Variants in NSD2 observed in about 807,000 individuals in gnomAD.
NSD2 encodes nuclear receptor binding SET domain protein 2.
Under a neutral mutation model 139.0 loss-of-function variants are expected in NSD2, and 12 were observed. That is an observed-to-expected ratio of 0.09 (90% CI 0.06 to 0.14). The LOEUF (loss-of-function observed/expected upper bound fraction) is 0.14. Ranked by LOEUF, NSD2 falls within the 10% of genes least tolerant of loss-of-function variation. NSD2 has a pLI of 1.00. For synonymous variants in NSD2, 669 were observed against 648.7 expected, an observed-to-expected ratio of 1.03 and a Z score of -0.48; for missense variants, 1,155 against 1,745.0, an observed-to-expected ratio of 0.66 and a Z score of 6.02.
intron 15 of NSD2, among the ~76,000 whole-genome samples, chr4:1,957,080 C>T (rs1462110880): frequency 6.6e-6 from 1 of 152,138 alleles, no homozygotes; most frequent in Non-Finnish European, 1.5e-5. Context: ...TGCAGGTGTC[C>T]TGTAGAGCCA....
chr4:1,955,137 T>G lies in NSD2; in HGVS notation c.2339-24T>G. The G allele has an allele frequency of 6.3e-7, 1 of 1,587,088 alleles. No individual in the cohort carries two copies. Among genetic ancestry groups the G allele is most frequent in the Non-Finnish European group, 8.6e-7 (1 of 1,157,854 alleles). On this transcript the variant is annotated intron_variant, in intron 12 of 21. Coordinates refer to ENST00000508803, the MANE Select transcript of NSD2 (RefSeq NM_001042424.3). This position sits in a 1 kb window ranked among gnomAD's most constrained non-coding sequence, Gnocchi z 4.7. The stretch of plus-strand genomic sequence containing the variant: ...GACTGGAGTCAGTGTTTGGGGTCCT[T>G]AGGGTGTGTTTCTTTGCCTTCAGGT...
chr4:1,940,120 T>C, intron 9 of NSD2: 2 of 1,157,134 alleles, frequency 1.7e-6, no homozygotes, highest in Non-Finnish European at 2.1e-6. Flanking sequence ...GAAGTAAGTC[T>C]GCGTTGGTTC....
intron 10 of NSD2, 96 bp from the exon 11 acceptor site, chr4:1,952,012 T>C: frequency 6.6e-7 from 1 of 1,523,518 alleles, no homozygotes; most frequent in East Asian, 2.3e-5. Context: ...AATGGGATTT[T>C]CTGCCACTGG....
At chr4:1,925,241 C>G (rs893901987) in intron 5 of NSD2, among the ~76,000 whole-genome samples, 1 of 152,104 alleles carries the variant, frequency 6.6e-6, no homozygotes, top group Non-Finnish European at 1.5e-5. Context: ...GTCAGTTAAC[C>G]AATGGCCAAC....
At chr4:1,913,361 A>T (rs1030950017) in intron 3 of NSD2, among the ~76,000 whole-genome samples, 1 of 152,002 alleles carries the variant, frequency 6.6e-6, no homozygotes, top group Non-Finnish European at 1.5e-5. Context: ...GTTAGAGAAG[A>T]CTCTGCTCCA....
At position 1,958,211 on chromosome 4, in the gene NSD2, T is replaced by C. The variant is rs573275647; in HGVS notation, c.2985+175T>C. On this transcript the variant is annotated intron_variant, in intron 16 of 21. Transcript: ENST00000508803. The surrounding 1 kb of genome is among the most constrained non-coding windows in gnomAD (Gnocchi z 4.6). ...CATGAGCAAATGGCATGGGGGGATC[T>C]GCATGGGGGTTCTTGGATCCGCCTT... Among the ~76,000 whole-genome samples the C allele has an allele frequency of 6.6e-6, 1 of 152,300 alleles. No individual in the cohort carries two copies. Among genetic ancestry groups the C allele is most frequent in the South Asian group, 2.1e-4 (1 of 4,826 alleles).
chr4:1,889,822 T>G (rs74375029), intron 1 of NSD2, among the ~76,000 whole-genome samples: 1 of 152,024 alleles, frequency 6.6e-6, no homozygotes, highest in African/African-American at 2.4e-5. Flanking sequence ...TTTTTTTTTT[T>G]AATTGAGATA....
chr4:1,937,951 T>C (rs1722598663), intron 7 of NSD2, among the ~76,000 whole-genome samples: 1 of 152,220 alleles, frequency 6.6e-6, no homozygotes, highest in Non-Finnish European at 1.5e-5. Context: ...GTCTAAAAAT[T>C]GGAAATCCTC....
At position 1,973,016 on chromosome 4, in the gene NSD2, A is replaced by C. The variant is rs1726660065; in HGVS notation, c.3373-1847A>C. On this transcript the variant is annotated intron_variant, in intron 18 of 21. Transcript: ENST00000508803. The surrounding 1 kb of genome is among the most constrained non-coding windows in gnomAD (Gnocchi z 5.5). Reference sequence around the variant, plus strand: ...TACCGGTGCCCACCACCATAGCTGGATAATTTTTTGTATTTTTATTAGAGA... The same window carrying C: ...TACCGGTGCCCACCACCATAGCTGGCTAATTTTTTGTATTTTTATTAGAGA... Among the ~76,000 whole-genome samples, 1 of 152,030 alleles carries C rather than the reference A, an allele frequency of 6.6e-6. No individual in the cohort carries two copies. Among genetic ancestry groups the C allele is most frequent in the African/African-American group, 2.4e-5 (1 of 41,396 alleles).
At chr4:1,896,383 A>G (rs1716306387) in intron 1 of NSD2, among the ~76,000 whole-genome samples, 1 of 152,228 alleles carries the variant, frequency 6.6e-6, no homozygotes, top group Non-Finnish European at 1.5e-5. Context: ...GCTTTGCATT[A>G]GGCAGTGTAG....
At chr4:1,888,576 A>AT (rs1035627134) in intron 1 of NSD2, among the ~76,000 whole-genome samples, 18 of 151,076 alleles carry the variant, frequency 1.2e-4, no homozygotes, top group Non-Finnish European at 2.1e-4. Context: ...AATTGTTTTT[A>AT]TTTTTTTTGA....
chr4:1,906,684 A>C (rs1717958480), intron 3 of NSD2, among the ~76,000 whole-genome samples: 1 of 113,318 alleles, frequency 8.8e-6, no homozygotes. Flanking sequence ...TTTTTGAGAC[A>C]CAGTTTCACT....
At chr4:1,903,729 GA>G (rs1164415943) in intron 2 of NSD2, among the ~76,000 whole-genome samples, 1 of 149,036 alleles carries the variant, frequency 6.7e-6, no homozygotes, top group African/African-American at 2.5e-5. Context: ...GAGTGAGAGA[GA>G]AATTTTTTTT....
intron 1 of NSD2, among the ~76,000 whole-genome samples, chr4:1,871,778 TGAGGGCCGGCGG>T (rs1483374643): frequency 7.5e-6 from 1 of 134,228 alleles, no homozygotes; most frequent in Non-Finnish European, 1.6e-5. Context: ...CGCGGAGGCC[TGAGGGCCGGCGG>T]GAGGACCGGG....
At chr4:1,929,710 G>C (rs557706558) in intron 5 of NSD2, among the ~76,000 whole-genome samples, 1 of 152,174 alleles carries the variant, frequency 6.6e-6, no homozygotes, top group Admixed American at 6.5e-5. Flanking sequence ...ACATTGAACA[G>C]AAACAGGTGG....
At position 1,934,973 on chromosome 4, in the gene NSD2, T is replaced by C. The variant is rs111715175; in HGVS notation, c.1556-171T>C. Among the ~76,000 whole-genome samples, 588 of 146,046 alleles carry C rather than the reference T, an allele frequency of 4.0e-3. 3 individuals carry two copies. The highest frequency in any genetic ancestry group is 0.014 in the African/African-American group (566 of 39,390). ...TTAGATATAGTCACCAGTTTTTTTG[T>C]TGTAAAGAGATTTGATCTGTAAGAC... On this transcript the variant is annotated intron_variant, in intron 6 of 21. Coordinates refer to ENST00000508803, the MANE Select transcript of NSD2 (RefSeq NM_001042424.3).
At chr4:1,950,193 G>T (rs1252783071) in intron 9 of NSD2, among the ~76,000 whole-genome samples, 3 of 152,186 alleles carry the variant, frequency 2.0e-5, no homozygotes, top group Non-Finnish European at 4.4e-5. Flanking sequence ...TGTTGATGTT[G>T]CTTGTCAGGT....
At chr4:1,939,333 C>T (rs752501743) in intron 8 of NSD2, 7 of 324,700 alleles carry the variant, frequency 2.2e-5, no homozygotes, top group African/African-American at 1.5e-4. Flanking sequence ...TTGTGCTAAA[C>T]TTCTTATGGA....
intron 18 of NSD2, among the ~76,000 whole-genome samples, chr4:1,964,090 A>T (rs955618154): frequency 1.3e-5 from 2 of 152,226 alleles, no homozygotes; most frequent in East Asian, 1.9e-4. Context: ...TCCTAATGGA[A>T]GGCTTTGCTT....
Sources: gnomAD v4.1 joint callset for allele counts (sites outside exome capture counted in the v4.1 genomes callset) on GRCh38, gnomAD v4.1.1 for gene constraint, Gnocchi (gnomAD v3.1) non-coding constraint, MANE v1.5 for transcripts, NCBI Gene and HGNC (gene_info 2026-07-23, HGNC 2026-07-21) for gene names.